MED12L: variants seen among roughly 807,000 people sequenced by gnomAD.
The protein encoded by MED12L is mediator complex subunit 12L, also known as mediator of RNA polymerase II transcription subunit 12-like protein.
MED12L carries 60 observed loss-of-function variants against 281.3 expected under a neutral mutation model. That is an observed-to-expected ratio of 0.21 (90% CI 0.17 to 0.26). The LOEUF (loss-of-function observed/expected upper bound fraction) is 0.26, where lower values mean the gene tolerates loss of function less well. Ranked by LOEUF, MED12L falls within the 10% of genes least tolerant of loss-of-function variation. The pLI is 1.00. For synonymous variants in MED12L, 974 were observed against 987.2 expected, an observed-to-expected ratio of 0.99 and a Z score of 0.25; for missense variants, 2,146 against 2,680.9, an observed-to-expected ratio of 0.80 and a Z score of 4.41.
intron 16 of MED12L, among the ~76,000 whole-genome samples, chr3:151,304,019 G>A (rs1335731506): frequency 6.6e-6 from 1 of 152,198 alleles, no homozygotes; most frequent in Non-Finnish European, 1.5e-5. Flanking sequence ...GCCACTGGAT[G>A]GGATTCAGCA....
At chr3:151,307,770 T>A (rs573880876) in intron 16 of MED12L, among the ~76,000 whole-genome samples, 2 of 152,242 alleles carry the variant, frequency 1.3e-5, no homozygotes, top group African/African-American at 4.8e-5. Context: ...AACCAGGAAA[T>A]GAGCTCTAGC....
intron 16 of MED12L, among the ~76,000 whole-genome samples, chr3:151,227,263 C>T (rs1308307723): frequency 6.6e-6 from 1 of 152,176 alleles, no homozygotes; most frequent in African/African-American, 2.4e-5. Context: ...ATTGCAGATA[C>T]CCAAGAACTT....
At position 151,127,870 on chromosome 3, in the gene MED12L, A is replaced by G; in HGVS notation, c.442A>G (p.Lys148Glu). ...KKEDVFAYLA[K>E]YSVPMVRATW... ...AGAGGATGTTTTTGCATATTTAGCT[A>G]AATATTCTGTGCCAATGGTTCGAGC... The change falls in exon 5 of 45, where the codon AAA becomes GAA. Residue 148 changes from lysine to glutamate, a missense_variant. By Grantham distance (56) the Lys-to-Glu change is moderately conservative (BLOSUM62 1). Around this residue, in one of 9 missense-constraint regions of MED12L, gnomAD observed 722 missense variants for 861.2 expected, o/e 0.84. Coordinates refer to ENST00000687756, the MANE Select transcript of MED12L (RefSeq NM_001393769.1). 6.2e-7 allele frequency: 1 copy of G among 1,613,158 alleles called. No individual in the cohort carries two copies. Among genetic ancestry groups the G allele is most frequent in the Non-Finnish European group, 8.5e-7 (1 of 1,179,156 alleles).
chr3:151,184,371 C>A (rs190184304), intron 11 of MED12L, among the ~76,000 whole-genome samples: 1 of 152,156 alleles, frequency 6.6e-6, no homozygotes, highest in Non-Finnish European at 1.5e-5. Context: ...ATAGCCATAT[C>A]GTAATCTTAA....
chr3:151,367,268 G>A (rs1028369705), intron 23 of MED12L, among the ~76,000 whole-genome samples: 1 of 152,100 alleles, frequency 6.6e-6, no homozygotes, highest in Non-Finnish European at 1.5e-5. Flanking sequence ...GGAGCCTCCT[G>A]GTTTTTCCCT....
intron 5 of MED12L, among the ~76,000 whole-genome samples, chr3:151,138,694 AG>A (rs1462745698): frequency 1.3e-5 from 2 of 152,218 alleles, no homozygotes; most frequent in African/African-American, 4.8e-5. Flanking sequence ...TGGTTAGACC[AG>A]GGTTACAGAA....
At chr3:151,328,879 G>A (rs1750011049) in intron 16 of MED12L, 1 of 1,614,026 alleles carries the variant, frequency 6.2e-7, no homozygotes, top group African/African-American at 1.3e-5. Context: ...TATTCAGCAG[G>A]ATGCCGGTCA....
At chr3:151,337,739 G>T in intron 16 of MED12L, 1 of 1,428,918 alleles carries the variant, frequency 7.0e-7, no homozygotes, top group Non-Finnish European at 9.7e-7. Flanking sequence ...TTCTTCGTCA[G>T]TTAATATTTT....
chr3:151,198,567 C>G, intron 16 of MED12L: 1 of 1,614,028 alleles, frequency 6.2e-7, no homozygotes, highest in African/African-American at 1.3e-5. Flanking sequence ...TTCGACACAG[C>G]CAGGAGCAGT....
chr3:151,281,232 C>CAAAA (rs35035320), intron 16 of MED12L, among the ~76,000 whole-genome samples: 3 of 49,940 alleles, frequency 6.0e-5, no homozygotes, highest in East Asian at 7.9e-4. Context: ...ACCAAAAATA[C>CAAAA]AAAAAAAAAA....
At chr3:151,255,457 G>A (rs1737644440) in intron 16 of MED12L, among the ~76,000 whole-genome samples, 3 of 151,800 alleles carry the variant, frequency 2.0e-5, no homozygotes, top group African/African-American at 7.3e-5. Context: ...GGGGGAGGGG[G>A]CTGGGGGTGC....
chr3:151,377,871 A>T, intron 30 of MED12L, 141 bp from the exon 31 acceptor site: 1 of 742,292 alleles, frequency 1.3e-6, no homozygotes, highest in Non-Finnish European at 2.0e-6. Context: ...GAAAAAGGAA[A>T]GATAATACAG....
At chr3:151,091,076 A>G (rs1404800938) in intron 2 of MED12L, among the ~76,000 whole-genome samples, 1 of 152,132 alleles carries the variant, frequency 6.6e-6, no homozygotes, top group Non-Finnish European at 1.5e-5. Context: ...AAAAAACAAC[A>G]GAAAAAGAGG....
At chr3:151,208,190 T>G (rs1726627927) in intron 16 of MED12L, among the ~76,000 whole-genome samples, 1 of 152,224 alleles carries the variant, frequency 6.6e-6, no homozygotes, top group African/African-American at 2.4e-5. Context: ...TGCCAATTTT[T>G]TTATAGTTGC....
intron 5 of MED12L, among the ~76,000 whole-genome samples, chr3:151,155,416 T>C (rs1048802606): frequency 6.6e-6 from 1 of 152,238 alleles, no homozygotes; most frequent in Non-Finnish European, 1.5e-5. Context: ...TTTGGTTGTT[T>C]CCTTTCCAGT....
At chr3:151,404,942 G>A (rs1716116817) in intron 39 of MED12L, among the ~76,000 whole-genome samples, 1 of 152,136 alleles carries the variant, frequency 6.6e-6, no homozygotes, top group Non-Finnish European at 1.5e-5. Flanking sequence ...ATACAGATCA[G>A]ATTAAGACAC....
intron 43 of MED12L, 119 bp downstream of exon 43, chr3:151,416,541 T>C: frequency 9.9e-7 from 1 of 1,006,590 alleles, no homozygotes. Flanking sequence ...TAAAAATTTT[T>C]CCTAGAACTT....
At chr3:151,342,853 A>T (rs962258979) in intron 16 of MED12L, among the ~76,000 whole-genome samples, 1 of 152,192 alleles carries the variant, frequency 6.6e-6, no homozygotes, top group African/African-American at 2.4e-5. Flanking sequence ...AATTGTCAAT[A>T]TTTAATTTCT....
intron 4 of MED12L, 132 bp from the exon 5 acceptor site, chr3:151,127,693 A>G: frequency 1.6e-6 from 1 of 616,296 alleles, no homozygotes; most frequent in Non-Finnish European, 2.7e-6. Context: ...TTGAAAATCC[A>G]TCAAGGATAT....
Sources: gnomAD v4.1 joint callset for allele counts (sites outside exome capture counted in the v4.1 genomes callset) on GRCh38, gnomAD v4.1.1 for gene constraint, gnomAD v4.1.1 regional missense constraint, MANE v1.5 for transcripts, NCBI Gene and HGNC (gene_info 2026-07-23, HGNC 2026-07-21) for gene names.